Variants in PABPC4L observed in about 807,000 individuals in gnomAD.
PABPC4L encodes the protein poly(A) binding protein cytoplasmic 4 like, also known as polyadenylate-binding protein 4-like.
For synonymous variants in PABPC4L, 169 were observed against 164.1 expected (o/e 1.03, Z -0.23); for missense variants, 452 against 451.4 (o/e 1.00, Z -0.01).
At chr4:134,171,682 AAGAAATGAAAGGCATCTAAAT>A in the PABPC4L span, among the ~76,000 whole-genome samples, 4 of 152,136 alleles carry the variant, frequency 2.6e-5, no homozygotes, top group African/African-American at 9.7e-5. Flanking sequence ...CAATCAGGCA[AAGAAATGAAAGGCATCTAAAT>A]AGGAGGAGAG....
the PABPC4L span, among the ~76,000 whole-genome samples, chr4:134,110,529 C>T: frequency 6.6e-6 from 1 of 150,558 alleles, no homozygotes; most frequent in East Asian, 1.9e-4. Flanking sequence ...CAACTAATAA[C>T]AGAATAAAAA....
At position 134,199,133 on chromosome 4, in the gene PABPC4L, C is replaced by T. The variant is rs1381777107; in HGVS notation, c.*774G>A. 1 of 151,986 alleles carries T rather than the reference C, an allele frequency of 6.6e-6. No individual in the cohort carries two copies. The highest frequency in any genetic ancestry group is 1.5e-5 in the Non-Finnish European group (1 of 67,914). 9.4% of individuals were successfully genotyped at this position (151,986 alleles called of 1,614,324 possible). A position where few individuals can be genotyped will look rare whatever the true frequency, so the allele number is the denominator to read the frequency against. ...ATGAAGAGATTTAAGACCAGGCCAA[C>T]TTTGGATCACCTGAGTTGATAACAG... On this transcript the variant is annotated 3_prime_UTR_variant, in exon 2 of 2. Coordinates refer to ENST00000421491, the MANE Select transcript of PABPC4L (RefSeq NM_001114734.2).
chr4:134,159,229 G>A, the PABPC4L span, among the ~76,000 whole-genome samples: 3 of 152,064 alleles, frequency 2.0e-5, no homozygotes, highest in African/African-American at 4.8e-5. Flanking sequence ...AATAATAAAC[G>A]TAGGTAATTC....
At chr4:134,030,104 C>T in the PABPC4L span, among the ~76,000 whole-genome samples, 2 of 152,044 alleles carry the variant, frequency 1.3e-5, no homozygotes, top group Non-Finnish European at 2.9e-5. Context: ...ATTAAACTTC[C>T]TTTCCTTATA....
At chr4:134,189,586 C>A in the PABPC4L span, among the ~76,000 whole-genome samples, 1 of 151,640 alleles carries the variant, frequency 6.6e-6, no homozygotes, top group Non-Finnish European at 1.5e-5. Flanking sequence ...TGTGTGTATT[C>A]TTTTTACACA....
chr4:134,190,059 TTGTC>T, the PABPC4L span, among the ~76,000 whole-genome samples: 4 of 152,260 alleles, frequency 2.6e-5, no homozygotes, highest in African/African-American at 9.6e-5. Flanking sequence ...CCCAAGGACT[TTGTC>T]TGCCTGCAGT....
chr4:134,155,046 C>A, the PABPC4L span, among the ~76,000 whole-genome samples: 1 of 151,972 alleles, frequency 6.6e-6, no homozygotes, highest in African/African-American at 2.4e-5. Context: ...CTAGTGATGT[C>A]AGTGTAGAAG....
chr4:134,012,132 G>A, the PABPC4L span, among the ~76,000 whole-genome samples: 1 of 152,110 alleles, frequency 6.6e-6, no homozygotes, highest in African/African-American at 2.4e-5. Flanking sequence ...CCCCAAACAA[G>A]TTTAATTTCT....
At chr4:134,095,163 T>C in the PABPC4L span, among the ~76,000 whole-genome samples, 1 of 151,878 alleles carries the variant, frequency 6.6e-6, no homozygotes, top group African/African-American at 2.4e-5. Flanking sequence ...CTTTGCCTAA[T>C]TACTTTCTGA....
chr4:134,155,922 T>A, the PABPC4L span, among the ~76,000 whole-genome samples: 1 of 151,986 alleles, frequency 6.6e-6, no homozygotes, highest in Admixed American at 6.6e-5. Context: ...GAATTCAAAA[T>A]GAGCCAAGGT....
At chr4:134,190,596 T>C in the PABPC4L span, among the ~76,000 whole-genome samples, 1 of 152,108 alleles carries the variant, frequency 6.6e-6, no homozygotes, top group Admixed American at 6.6e-5. Flanking sequence ...ACTATAATAC[T>C]TCTCATAAGT....
the PABPC4L span, among the ~76,000 whole-genome samples, chr4:134,068,166 T>C: frequency 6.6e-6 from 1 of 152,198 alleles, no homozygotes; most frequent in South Asian, 2.1e-4. Context: ...AGTCTCTTTG[T>C]AGGTCTCTAA....
the PABPC4L span, among the ~76,000 whole-genome samples, chr4:134,177,149 A>T: frequency 2.0e-5 from 3 of 149,522 alleles, no homozygotes; most frequent in Non-Finnish European, 3.0e-5. Context: ...CCCCTGCTAG[A>T]GCTTCTATCC....
the PABPC4L span, among the ~76,000 whole-genome samples, chr4:134,128,113 A>G: frequency 6.6e-6 from 1 of 152,142 alleles, no homozygotes; most frequent in South Asian, 2.1e-4. Context: ...GAAGACAAAG[A>G]AAAAAGAATT....
chr4:134,013,744 C>G, the PABPC4L span, among the ~76,000 whole-genome samples: 2 of 152,210 alleles, frequency 1.3e-5, no homozygotes, highest in African/African-American at 4.8e-5. Context: ...TTCCCTCCCA[C>G]CTGTCCCCTC....
the PABPC4L span, among the ~76,000 whole-genome samples, chr4:134,032,617 A>T: frequency 6.6e-6 from 1 of 151,932 alleles, no homozygotes; most frequent in Non-Finnish European, 1.5e-5. Context: ...AAAAGAAGTA[A>T]GCAAAAAAAT....
At chr4:134,063,400 A>C in the PABPC4L span, among the ~76,000 whole-genome samples, 1 of 152,082 alleles carries the variant, frequency 6.6e-6, no homozygotes, top group Non-Finnish European at 1.5e-5. Flanking sequence ...TGCTGTCAAC[A>C]TAAAAGGCAC....
At chr4:134,181,694 T>C in the PABPC4L span, among the ~76,000 whole-genome samples, 1 of 151,942 alleles carries the variant, frequency 6.6e-6, no homozygotes, top group African/African-American at 2.4e-5. Flanking sequence ...AAAATCAATA[T>C]ATAAAAATCA....
At chr4:134,172,378 GTGATCTT>G in the PABPC4L span, among the ~76,000 whole-genome samples, 1 of 151,908 alleles carries the variant, frequency 6.6e-6, no homozygotes, top group East Asian at 1.9e-4. Context: ...CTACAAACAT[GTGATCTT>G]TGACAAAGTT....
Sources: gnomAD v4.1 joint callset for allele counts (sites outside exome capture counted in the v4.1 genomes callset) on GRCh38, gnomAD v4.1.1 for gene constraint, MANE v1.5 for transcripts, NCBI Gene and HGNC (gene_info 2026-07-23, HGNC 2026-07-21) for gene names.